Variants in PEBP4 observed in about 807,000 individuals in gnomAD.
PEBP4 encodes the protein phosphatidylethanolamine binding protein 4, also known as phosphatidylethanolamine-binding protein 4.
In PEBP4, 22 loss-of-function variants were observed where a neutral mutation model predicts 23.9. The ratio of observed to expected loss-of-function variants is 0.92; its 90% CI spans 0.66 to 1.31. The LOEUF (loss-of-function observed/expected upper bound fraction) is 1.31. PEBP4 is among the 40% of genes most tolerant of loss of function. The probability of loss-of-function intolerance (pLI) is 0.00; values close to 1 mark genes in which losing one functional copy is unlikely to be tolerated. For synonymous variants in PEBP4, 112 were observed against 99.3 expected (o/e 1.13, Z -0.76); for missense variants, 324 against 281.7 (o/e 1.15, Z -1.07).
intron 4 of PEBP4, among the ~76,000 whole-genome samples, chr8:22,752,419 T>TAGACCCTGTGGA (rs1805288229): frequency 6.6e-6 from 1 of 152,230 alleles, no homozygotes; most frequent in South Asian, 2.1e-4. Context: ...TGCCTGGCCA[T>TAGACCCTGTGGA]AGACCCTGTG....
rs1256971890 is a variant in PEBP4 at position 22,733,421 on chromosome 8, C to T, written c.358-6201G>A. Among the ~76,000 whole-genome samples, 3 of 152,300 alleles carry T rather than the reference C, an allele frequency of 2.0e-5. No homozygotes were observed. The South Asian group carries it at 6.2e-4, about 32-fold the overall frequency. On this transcript the variant is annotated intron_variant, in intron 4 of 6. Transcript: ENST00000256404. ...AGGGTCCAGCGACACTCCTCCCTCA[C>T]CTGGGGAACCCCTTAGGTAAAGGCT...
intron 3 of PEBP4, among the ~76,000 whole-genome samples, chr8:22,873,796 G>A (rs1049108937): frequency 6.6e-6 from 1 of 152,178 alleles, no homozygotes; most frequent in African/African-American, 2.4e-5. Flanking sequence ...AGCTTGATGG[G>A]TACATGTGGA....
intron 4 of PEBP4, among the ~76,000 whole-genome samples, chr8:22,777,041 G>A (rs188849436): frequency 1.3e-5 from 2 of 152,072 alleles, no homozygotes; most frequent in African/African-American, 2.4e-5. Flanking sequence ...GCTGAGGTCC[G>A]GAGGGAGGGA....
At chr8:22,808,944 TGCCCACTGGTG>T (rs2128760227) in intron 4 of PEBP4, among the ~76,000 whole-genome samples, 1 of 152,344 alleles carries the variant, frequency 6.6e-6, no homozygotes, top group African/African-American at 2.4e-5. Flanking sequence ...TCAAGTCTGA[TGCCCACTGGTG>T]GCTTCTCTCC....
rs145600373 is a variant in PEBP4 at position 22,862,208 on chromosome 8, C to T, written c.259-44473G>A. The stretch of plus-strand genomic sequence containing the variant: ...GCCTGGGATCCATCCTCAATCTTCC[C>T]CTAACCACACAAGTAACTCAATCTC... On this transcript the variant is annotated intron_variant, in intron 3 of 6. Transcript: ENST00000256404. Among the ~76,000 whole-genome samples, 30 of 152,242 alleles carry T rather than the reference C, an allele frequency of 2.0e-4. 1 individual carries two copies. In the East Asian group the frequency reaches 3.9e-3, roughly 20 times the overall value.
chr8:22,802,324 C>G (rs1198981459), intron 4 of PEBP4, among the ~76,000 whole-genome samples: 8 of 152,228 alleles, frequency 5.3e-5, no homozygotes, highest in Non-Finnish European at 7.3e-5. Flanking sequence ...TCCCCACTAC[C>G]CCCGTGCCAA....
intron 3 of PEBP4, among the ~76,000 whole-genome samples, chr8:22,911,710 A>T (rs1180661939): frequency 6.6e-6 from 1 of 152,110 alleles, no homozygotes; most frequent in Non-Finnish European, 1.5e-5. Flanking sequence ...TGACACTCCC[A>T]ACATACCGCT....
In PEBP4 at chr8:22,713,417, C is replaced by T; in HGVS notation, c.637G>A (p.Ala213Thr). ...TGGTTTTTGTGCTTGGGCTCGCTGGCCCTTTCTCTGGGAGCCTGGAGGGTT... is the reference window on the plus strand; with the variant it reads ...TGGTTTTTGTGCTTGGGCTCGCTGGTCCTTTCTCTGGGAGCCTGGAGGGTT... ...SPTLQAPRER[A>T]SEPKHKNQAE... The change falls in exon 7 of 7, where the codon GCC becomes ACC. Residue 213 changes from alanine to threonine, a missense_variant. Coordinates refer to ENST00000256404, the MANE Select transcript of PEBP4 (RefSeq NM_144962.3). 6.2e-7 allele frequency: 1 copy of T among 1,611,610 alleles called. No homozygotes were observed. The highest frequency in any genetic ancestry group is 1.3e-5 in the African/African-American group (1 of 74,864).
chr8:22,864,515 T>TGGGTCCCATCC lies in PEBP4; in HGVS notation c.259-46791_259-46781dup, dbSNP rs546259538. Among the ~76,000 whole-genome samples the TGGGTCCCATCC allele has an allele frequency of 2.0e-3, 312 of 152,270 alleles. 1 individual carries two copies. Among genetic ancestry groups the TGGGTCCCATCC allele is most frequent in the African/African-American group, 7.1e-3 (295 of 41,560 alleles). On this transcript the variant is annotated intron_variant, in intron 3 of 6. Transcript: ENST00000256404. Reference sequence around the variant, plus strand: ...AGGAGACGAGGGGTTCTGTCCCAGCTGGGTCCCATCCGCATATCCTAACCC... The same window carrying TGGGTCCCATCC: ...AGGAGACGAGGGGTTCTGTCCCAGCTGGGTCCCATCCGGGTCCCATCCGCATATCCTAACCC...
chr8:22,873,338 A>G (rs1222619591), intron 3 of PEBP4, among the ~76,000 whole-genome samples: 1 of 152,240 alleles, frequency 6.6e-6, no homozygotes, highest in East Asian at 1.9e-4. Flanking sequence ...CATTTAAAGT[A>G]ACCATGCTGG....
chr8:22,908,534 A>G (rs543944167), intron 3 of PEBP4, among the ~76,000 whole-genome samples: 73 of 152,258 alleles, frequency 4.8e-4, no homozygotes, highest in African/African-American at 1.7e-3. Context: ...GGTGAGGAAA[A>G]GGAATCGCAG....
intron 4 of PEBP4, among the ~76,000 whole-genome samples, chr8:22,795,957 G>T (rs1400463516): frequency 6.6e-6 from 1 of 152,194 alleles, no homozygotes; most frequent in East Asian, 1.9e-4. Context: ...CGAAATGTGA[G>T]AATTTCTGAG....
At chr8:22,772,477 TTC>T (rs1318831599) in intron 4 of PEBP4, among the ~76,000 whole-genome samples, 51 of 145,184 alleles carry the variant, frequency 3.5e-4, no homozygotes, top group Middle Eastern at 3.6e-3. Context: ...AGGGCAGGTA[TTC>T]TCTCTCTCTC....
chr8:22,932,253 C>T (rs1329223146), upstream of PEBP4, among the ~76,000 whole-genome samples: 7 of 151,956 alleles, frequency 4.6e-5, no homozygotes, highest in Non-Finnish European at 7.4e-5. Flanking sequence ...TGGGATAAGA[C>T]GTGAATGAGA....
chr8:22,717,561 A>T (rs1804440206), intron 6 of PEBP4, among the ~76,000 whole-genome samples: 1 of 152,218 alleles, frequency 6.6e-6, no homozygotes, highest in African/African-American at 2.4e-5. Context: ...GCCCCCGTTC[A>T]GGTGGGCTGG....
At chr8:22,910,557 C>G (rs1260412378) in intron 3 of PEBP4, among the ~76,000 whole-genome samples, 3 of 149,304 alleles carry the variant, frequency 2.0e-5, no homozygotes, top group Non-Finnish European at 4.6e-5. Context: ...AGTGAAGGAA[C>G]AACAATTCTC....
rs535089907 is a variant in PEBP4 at position 22,900,422 on chromosome 8, G to T, written c.258+19762C>A. Among the ~76,000 whole-genome samples, 9 of 152,258 alleles carry T rather than the reference G, an allele frequency of 5.9e-5. No homozygotes were observed. The South Asian group carries it at 1.0e-3, about 18-fold the overall frequency. On this transcript the variant is annotated intron_variant, in intron 3 of 6. Transcript: ENST00000256404. ...CCAGCACTTTGGGAGGCTGAGGTGGGCGGATCACTTGAGGCCAGGGGTTCG... is the reference window on the plus strand; with the variant it reads ...CCAGCACTTTGGGAGGCTGAGGTGGTCGGATCACTTGAGGCCAGGGGTTCG...
intron 3 of PEBP4, among the ~76,000 whole-genome samples, chr8:22,899,804 C>T (rs2128776534): frequency 6.6e-6 from 1 of 152,280 alleles, no homozygotes; most frequent in Non-Finnish European, 1.5e-5. Flanking sequence ...CTTTTGTGGG[C>T]ATTATGTCAC....
intron 4 of PEBP4, among the ~76,000 whole-genome samples, chr8:22,796,488 A>T (rs74328984): frequency 1.3e-5 from 2 of 152,222 alleles, no homozygotes; most frequent in African/African-American, 2.4e-5. Context: ...AGTAATCAGC[A>T]GCTGGGAAGC....
Sources: allele counts gnomAD v4.1 joint callset (sites outside exome capture counted in the v4.1 genomes callset), GRCh38; gene constraint gnomAD v4.1.1; transcripts MANE v1.5; gene names NCBI Gene and HGNC (gene_info 2026-07-23, HGNC 2026-07-21).